MYRIP: variants seen among roughly 807,000 people sequenced by gnomAD.
MYRIP encodes rab effector MyRIP.
MYRIP carries 49 observed loss-of-function variants against 98.0 expected under a neutral mutation model. That is an observed-to-expected ratio of 0.50 (90% CI 0.40 to 0.63). The LOEUF is 0.63. Ranked by LOEUF, MYRIP falls within the 30% of genes least tolerant of loss-of-function variation. The probability of loss-of-function intolerance (pLI) is 0.00; values close to 1 mark genes in which losing one functional copy is unlikely to be tolerated. For synonymous variants in MYRIP, 404 were observed against 409.5 expected (o/e 0.99, Z 0.16); for missense variants, 1,004 against 1,058.2 (o/e 0.95, Z 0.71).
chr3:39,992,127 A>G (rs1946194411), intron 2 of MYRIP, among the ~76,000 whole-genome samples: 1 of 152,148 alleles, frequency 6.6e-6, no homozygotes, highest in South Asian at 2.1e-4. Context: ...TGACATCACA[A>G]TTAACCCAAG....
rs1043728342 is a variant in MYRIP at position 40,166,848 on chromosome 3, C to T, written c.553C>T (p.His185Tyr). Residue 185 changes from histidine to tyrosine, a missense_variant and splice_region_variant, in exon 6 of 17, where the codon CAT (histidine) becomes TAT (tyrosine). Physicochemically the swap from His to Tyr is moderately conservative, Grantham distance 83. Around this residue, in one of 3 missense-constraint regions of MYRIP, gnomAD observed 880 missense variants for 907.7 expected, o/e 0.97. Coordinates refer to ENST00000302541, the MANE Select transcript of MYRIP (RefSeq NM_015460.4). ...DSTFYRQSEG[H>Y]SVMDTLAVAL... is the part of the protein sequence containing the mutation. The stretch of plus-strand genomic sequence containing the variant: ...TCTTTGTTCTGTTTCCTGTCTAGGA[C>T]ATAGTGTGATGGACACCTTGGCTGT... The T allele has an allele frequency of 1.2e-6, 2 of 1,603,214 alleles. No individual in the cohort carries two copies. Among genetic ancestry groups the T allele is most frequent in the Non-Finnish European group, 1.7e-6 (2 of 1,170,148 alleles).
chr3:39,974,389 T>C (rs1047766300), intron 2 of MYRIP, among the ~76,000 whole-genome samples: 2 of 152,174 alleles, frequency 1.3e-5, no homozygotes, highest in Non-Finnish European at 2.9e-5. Flanking sequence ...TAACAGGCTC[T>C]GAAATTCAGG....
At chr3:40,095,792 A>G (rs573819124) in intron 3 of MYRIP, among the ~76,000 whole-genome samples, 4 of 151,042 alleles carry the variant, frequency 2.6e-5, no homozygotes, top group Admixed American at 1.3e-4. Flanking sequence ...GTATGCTGTC[A>G]CACACATCTT....
At position 40,013,266 on chromosome 3, in the gene MYRIP, A is replaced by G. The variant is rs1371266123; in HGVS notation, c.111-30784A>G. Among the ~76,000 whole-genome samples, 4 of 152,328 alleles carry G rather than the reference A, an allele frequency of 2.6e-5. No homozygotes were observed. In the East Asian group the frequency reaches 7.7e-4, roughly 29 times the overall value. On this transcript the variant is annotated intron_variant, in intron 2 of 16. Transcript: ENST00000302541. ...ATTACTCTCGTGTCAATCCTGGAGA[A>G]GTAAGAACCTTAACAGTACCTTGCT...
intron 1 of MYRIP, among the ~76,000 whole-genome samples, chr3:39,858,829 C>T (rs1357709045): frequency 6.6e-6 from 1 of 151,830 alleles, no homozygotes; most frequent in East Asian, 1.9e-4. Context: ...TTTTAAATAC[C>T]TTGAGAGAAA....
chr3:39,985,731 GTGC>G lies in MYRIP; in HGVS notation c.111-58316_111-58314del, dbSNP rs1328100070. Among the ~76,000 whole-genome samples the G allele has an allele frequency of 1.1e-3, 165 of 151,906 alleles. 1 individual carries two copies. Among genetic ancestry groups the G allele is most frequent in the African/African-American group, 3.8e-3 (155 of 41,280 alleles). ...GAAAGGATTCCCTATTTAATAAATG[GTGC>G]TGGAAAAACTGGCTAGCCATATGTA... On this transcript the variant is annotated intron_variant, in intron 2 of 16. Coordinates refer to ENST00000302541, the MANE Select transcript of MYRIP (RefSeq NM_015460.4).
At chr3:40,206,382 C>G (rs374998957) in intron 10 of MYRIP, among the ~76,000 whole-genome samples, 2 of 152,128 alleles carry the variant, frequency 1.3e-5, no homozygotes, top group East Asian at 1.9e-4. Flanking sequence ...CAGTTATGCT[C>G]ATGGTATCAT....
intron 2 of MYRIP, among the ~76,000 whole-genome samples, chr3:39,991,154 A>G (rs909356279): frequency 6.6e-6 from 1 of 152,204 alleles, no homozygotes; most frequent in African/African-American, 2.4e-5. Context: ...ATAATAAAAT[A>G]AATAAATAAA....
intron 3 of MYRIP, among the ~76,000 whole-genome samples, chr3:40,081,885 A>T (rs953782006): frequency 7.9e-5 from 12 of 152,084 alleles, no homozygotes; most frequent in African/African-American, 2.9e-4. Context: ...TATGAGTTCT[A>T]CTGTTTTATA....
intron 3 of MYRIP, among the ~76,000 whole-genome samples, chr3:40,048,238 AC>A (rs1437036352): frequency 6.6e-6 from 1 of 152,162 alleles, no homozygotes; most frequent in Non-Finnish European, 1.5e-5. Context: ...TTGTGAGGCC[AC>A]TTTCAGACCC....
intron 1 of MYRIP, among the ~76,000 whole-genome samples, chr3:39,879,858 G>A (rs1943114615): frequency 6.6e-6 from 1 of 151,966 alleles, no homozygotes; most frequent in Non-Finnish European, 1.5e-5. Flanking sequence ...AGATTTTTTA[G>A]CTCTTCTCTG....
intron 1 of MYRIP, among the ~76,000 whole-genome samples, chr3:39,822,498 G>T (rs144552959): frequency 8.4e-4 from 128 of 151,940 alleles, no homozygotes; most frequent in Non-Finnish European, 1.4e-3. Context: ...TCTCATTAGT[G>T]TTAGTGTATT....
At chr3:40,012,196 A>C (rs1444180468) in intron 2 of MYRIP, among the ~76,000 whole-genome samples, 1 of 152,194 alleles carries the variant, frequency 6.6e-6, no homozygotes, top group Non-Finnish European at 1.5e-5. Context: ...CATGTTCTTC[A>C]ATCAAGTGTA....
chr3:39,981,245 A>G (rs1424543390), intron 2 of MYRIP, among the ~76,000 whole-genome samples: 3 of 152,178 alleles, frequency 2.0e-5, no homozygotes, highest in African/African-American at 7.2e-5. Context: ...TTTGAGGCCA[A>G]TCTGGTTTTT....
intron 2 of MYRIP, among the ~76,000 whole-genome samples, chr3:39,924,250 A>ATTGTATATATATATATATTG (rs1467527821): frequency 3.3e-5 from 5 of 152,120 alleles, no homozygotes; most frequent in African/African-American, 1.2e-4. Flanking sequence ...CACCTCAAAT[A>ATTGTATATATATATATATTG]TAACGATATA....
chr3:39,916,667 C>T (rs1314093830), intron 2 of MYRIP, among the ~76,000 whole-genome samples: 1 of 152,004 alleles, frequency 6.6e-6, no homozygotes, highest in Admixed American at 6.5e-5. Context: ...CCATTTCAAA[C>T]CCCACAAACC....
chr3:39,858,494 A>T (rs1319866160), intron 1 of MYRIP, among the ~76,000 whole-genome samples: 1 of 152,154 alleles, frequency 6.6e-6, no homozygotes, highest in African/African-American at 2.4e-5. Context: ...CAGACAGAAA[A>T]TCAATAAAAA....
intron 3 of MYRIP, among the ~76,000 whole-genome samples, chr3:40,115,164 T>C (rs1368384148): frequency 6.6e-6 from 1 of 152,172 alleles, no homozygotes; most frequent in Non-Finnish European, 1.5e-5. Context: ...TTGCTCCTAG[T>C]GTGAAATTGA....
intron 1 of MYRIP, among the ~76,000 whole-genome samples, chr3:39,888,862 G>A (rs1162163156): frequency 6.6e-5 from 10 of 152,094 alleles, no homozygotes; most frequent in Non-Finnish European, 7.4e-5. Context: ...TCAAAAAGTG[G>A]GCGAAGGATA....
Sources: allele counts gnomAD v4.1 joint callset (sites outside exome capture counted in the v4.1 genomes callset), GRCh38; gene constraint gnomAD v4.1.1; regional missense constraint gnomAD v4.1.1; transcripts MANE v1.5; gene names NCBI Gene and HGNC (gene_info 2026-07-23, HGNC 2026-07-21).